The following ADAMTS13 variants were observed in gnomAD, a reference collection of about 807,000 sequenced individuals.
ADAMTS13 encodes the protein ADAM metallopeptidase with thrombospondin type 1 motif 13.
A neutral mutation model predicts 155.1 loss-of-function variants in ADAMTS13; 110 were observed. That is an observed-to-expected ratio of 0.71 (90% CI 0.61 to 0.83). The LOEUF is 0.83. Among genes scored for constraint, ADAMTS13 ranks in the 40% least tolerant of loss-of-function variants. ADAMTS13 has a pLI of 0.00. For missense variants in ADAMTS13, 1,707 were observed against 1,891.7 expected (o/e 0.90, Z 1.81); for synonymous variants, 758 against 756.4 (o/e 1.00, Z -0.03).
At chr9:133,449,652 A>G (rs1842305384) in intron 22 of ADAMTS13, 131 bp from the exon 23 acceptor site, 5 of 1,052,156 alleles carry the variant, frequency 4.8e-6, no homozygotes, top group Non-Finnish European at 7.1e-6. Context: ...GGGCCTCCAG[A>G]AAGAGAACCT....
intron 25 of ADAMTS13, chr9:133,455,737 C>A: frequency 8.2e-7 from 1 of 1,224,254 alleles, no homozygotes; most frequent in Non-Finnish European, 1.2e-6. Context: ...CAGGGCTGGC[C>A]CTCTTTCTCC....
intron 28 of ADAMTS13, among the ~76,000 whole-genome samples, chr9:133,458,681 C>T (rs946232937): frequency 3.3e-5 from 5 of 151,782 alleles, no homozygotes. Context: ...AGAATAGCAC[C>T]CTGCACCCTC....
chr9:133,433,838 G>T, intron 11 of ADAMTS13, 134 bp downstream of exon 11: 1 of 1,095,988 alleles, frequency 9.1e-7, no homozygotes, highest in South Asian at 1.3e-5. Flanking sequence ...GCTTATGCCT[G>T]TAATCCCAGC....
At chr9:133,415,649 G>A (rs587623209) in intron 1 of ADAMTS13, 4 of 152,442 alleles carry the variant, frequency 2.6e-5, no homozygotes, top group South Asian at 2.1e-4. Flanking sequence ...ATGATGAGGC[G>A]GGTGCTACTT....
chr9:133,427,259 G>A (rs587732310), intron 6 of ADAMTS13, among the ~76,000 whole-genome samples: 1 of 152,330 alleles, frequency 6.6e-6, no homozygotes, highest in South Asian at 2.1e-4. Context: ...ACGTCTTCCT[G>A]TTGTGAATGT....
At chr9:133,420,402 T>C (rs1479712028), upstream of ADAMTS13, among the ~76,000 whole-genome samples, 1 of 152,154 alleles carries the variant, frequency 6.6e-6, no homozygotes, top group African/African-American at 2.4e-5. Context: ...CAGCAGTTTG[T>C]AAACCAGGGC....
chr9:133,417,698 T>G (rs371464211), upstream of ADAMTS13: 16 of 1,614,070 alleles, frequency 9.9e-6, no homozygotes, highest in African/African-American at 1.3e-5. Flanking sequence ...GGCCGCTTGC[T>G]GGCTTCTTGC....
At chr9:133,436,800 A>G in intron 11 of ADAMTS13, 29 bp from the exon 12 acceptor site, 4 of 533,016 alleles carry the variant, frequency 7.5e-6, no homozygotes, top group Non-Finnish European at 1.1e-5. Context: ...CCCCACCGCC[A>G]TCCCCCTCCT....
Position 133,426,295 on chromosome 9 carries a change from G to A in ADAMTS13, c.636G>A (p.Glu212=), listed in dbSNP as rs1554785294. ...CSPTWSCLIT[E]DTGFDLGVTI... ...CAACCTGGAGCTGCCTCATTACCGA[G>A]GACACTGGCTTCGACCTGGGAGTCA... The change falls in exon 6 of 29, where the codon GAG becomes GAA. Residue 212 remains glutamate (E), a synonymous_variant. Transcript: ENST00000355699. 9.3e-6 allele frequency: 15 copies of A among 1,608,364 alleles called. No individual in the cohort carries two copies. Among genetic ancestry groups the A allele is most frequent in the East Asian group, 2.2e-5 (1 of 44,876 alleles).
In ADAMTS13 at chr9:133,425,697, C is replaced by T. The variant is rs762864407; in HGVS notation, c.414+85C>T. 35 of 1,484,412 alleles carry T rather than the reference C, an allele frequency of 2.4e-5. No homozygotes were observed. Among genetic ancestry groups the T allele is most frequent in the South Asian group, 2.0e-4 (17 of 83,748 alleles). The allele number at this position is 1,484,412 out of a possible 1,614,324, so 92.0% of individuals were successfully genotyped here. A position where few individuals can be genotyped will look rare whatever the true frequency, so the allele number is the denominator to read the frequency against. On this transcript the variant is annotated intron_variant, in intron 4 of 28. Transcript: ENST00000355699. The surrounding 1 kb of genome is among the most constrained non-coding windows in gnomAD (Gnocchi z 4.6). ...CTCCATCCTCTTTAACCTCTTGTCC[C>T]GGATGCCCCAAGCAGCATGGATCAC...
At chr9:133,429,154 TC>T (rs1840520049) in intron 7 of ADAMTS13, among the ~76,000 whole-genome samples, 1 of 39,974 alleles carries the variant, frequency 2.5e-5, no homozygotes, top group Admixed American at 2.7e-4. Context: ...CACCCCTCCG[TC>T]CCAACCCCTG....
Position 133,452,592 on chromosome 9 carries a change from G to A in ADAMTS13, c.3045-1823G>A, listed in dbSNP as rs36222282. On this transcript the variant is annotated intron_variant, in intron 23 of 28. Coordinates refer to ENST00000355699, the MANE Select transcript of ADAMTS13 (RefSeq NM_139027.6). ...TTTTCACACTGCACGCTGCCTGCAT[G>A]GTGCTTAAACTTCACCTCCCACACC... is the stretch of plus-strand genomic sequence containing the variant. Among the ~76,000 whole-genome samples, 1,170 of 152,176 alleles carry A rather than the reference G, an allele frequency of 7.7e-3. 13 individuals carry two copies. The highest frequency in any genetic ancestry group is 0.026 in the African/African-American group (1,099 of 41,504).
At chr9:133,438,652 G>A (rs587702033) in intron 14 of ADAMTS13, among the ~76,000 whole-genome samples, 18 of 152,240 alleles carry the variant, frequency 1.2e-4, no homozygotes, top group African/African-American at 3.4e-4. Context: ...CTGTGCTCAC[G>A]CCTGTACTCC....
Position 133,426,325 on chromosome 9 carries a change from T to G in ADAMTS13, c.666T>G (p.Ile222Met). The G allele has an allele frequency of 6.2e-7, 1 of 1,602,594 alleles. No individual in the cohort carries two copies. Reference protein sequence around the residue: ...EDTGFDLGVTIAHEIGHSFGL... With the variant: ...EDTGFDLGVTMAHEIGHSFGL... ...CTGGCTTCGACCTGGGAGTCACCATTGCCCATGAGATTGGGCACAGGTATG... is the reference window on the plus strand; with the variant it reads ...CTGGCTTCGACCTGGGAGTCACCATGGCCCATGAGATTGGGCACAGGTATG... Residue 222 changes from isoleucine (I) to methionine (M), a missense_variant, in exon 6 of 29, where the codon ATT becomes ATG. Ile to Met is a conservative substitution (Grantham distance 10, BLOSUM62 1). Coordinates refer to ENST00000355699, the MANE Select transcript of ADAMTS13 (RefSeq NM_139027.6).
intron 23 of ADAMTS13, 66 bp downstream of exon 23, chr9:133,450,031 T>G (rs1554793963): frequency 6.6e-7 from 1 of 1,520,254 alleles, no homozygotes; most frequent in Non-Finnish European, 8.8e-7. Flanking sequence ...GGCGCTGTGG[T>G]GTGTGCCTGT....
In ADAMTS13 at chr9:133,424,273, G is replaced by A. The variant is rs35194094; in HGVS notation, c.173-48G>A. The A allele has an allele frequency of 0.072, 116,072 of 1,605,832 alleles. 4,876 individuals are homozygous for A. Among genetic ancestry groups the A allele is most frequent in the Non-Finnish European group, 0.086 (101,269 of 1,179,530 alleles). Reference sequence around the variant, plus strand: ...GCCCCTTTCCTGTTAGCTTTCCACTGCTTGCTCTCTAGAACCATCGCCCTC... The same window carrying A: ...GCCCCTTTCCTGTTAGCTTTCCACTACTTGCTCTCTAGAACCATCGCCCTC... On this transcript the variant is annotated intron_variant, in intron 2 of 28. Coordinates refer to ENST00000355699, the MANE Select transcript of ADAMTS13 (RefSeq NM_139027.6). The surrounding 1 kb of genome is among the most constrained non-coding windows in gnomAD (Gnocchi z 4.3).
chr9:133,434,928 A>C (rs901281951), intron 11 of ADAMTS13, among the ~76,000 whole-genome samples: 1 of 152,022 alleles, frequency 6.6e-6, no homozygotes, highest in Non-Finnish European at 1.5e-5. Context: ...GCACGTCCCC[A>C]AGGCTCACCT....
upstream of ADAMTS13, among the ~76,000 whole-genome samples, chr9:133,417,080 G>A (rs1554781761): frequency 6.6e-6 from 1 of 152,172 alleles, no homozygotes; most frequent in African/African-American, 2.4e-5. Context: ...GCGCGATTTC[G>A]GCTTACTACT....
chr9:133,427,458 A>G (rs1230810644), intron 6 of ADAMTS13, among the ~76,000 whole-genome samples: 2 of 151,970 alleles, frequency 1.3e-5, no homozygotes, highest in Admixed American at 6.6e-5. Flanking sequence ...CCCCCACCCG[A>G]CCCCTTTCAA....
Sources: gnomAD v4.1 joint callset for allele counts (sites outside exome capture counted in the v4.1 genomes callset) on GRCh38, gnomAD v4.1.1 for gene constraint, Gnocchi (gnomAD v3.1) non-coding constraint, MANE v1.5 for transcripts, NCBI Gene and HGNC (gene_info 2026-07-23, HGNC 2026-07-21) for gene names.